KIRREL3: variants seen among roughly 807,000 people sequenced by gnomAD.
The protein encoded by KIRREL3 is kin of IRRE-like protein 3.
In KIRREL3, 36 loss-of-function variants were observed where a neutral mutation model predicts 89.7. The ratio of observed to expected loss-of-function variants is 0.40; its 90% CI spans 0.31 to 0.53. KIRREL3 has a LOEUF of 0.53. KIRREL3 is among the 20% of genes least tolerant of loss of function. KIRREL3 has a pLI of 0.49. For synonymous variants in KIRREL3, 445 were observed against 441.4 expected, an observed-to-expected ratio of 1.01 and a Z score of -0.10; for missense variants, 864 against 1,056.6, an observed-to-expected ratio of 0.82 and a Z score of 2.53.
chr11:126,500,774 G>A (rs1957832101), intron 4 of KIRREL3, among the ~76,000 whole-genome samples: 1 of 151,168 alleles, frequency 6.6e-6, no homozygotes, highest in African/African-American at 2.4e-5. Context: ...AAGAAAAACA[G>A]TATATATTTT....
chr11:126,923,176 C>CTTCTTCTTCTTCT lies in KIRREL3; in HGVS notation c.55+77278_55+77279insAGAAGAAGAAGAA. ...TCTTCTTCTTCTTCTTCTTCTTCTT[C>CTTCTTCTTCTTCT]TCTTCTTCTTCTCTTCTTCTTCTTC... On this transcript the variant is annotated intron_variant, in intron 1 of 16. Coordinates refer to ENST00000525144, the MANE Select transcript of KIRREL3 (RefSeq NM_032531.4). 3.8e-3 allele frequency among the ~76,000 whole-genome samples: 68 copies of CTTCTTCTTCTTCT among 17,996 alleles called. 15 individuals are homozygous for CTTCTTCTTCTTCT. The highest frequency in any genetic ancestry group is 5.1e-3 in the Non-Finnish European group (46 of 9,084). 11.8% of individuals were successfully genotyped at this position (17,996 alleles called of 152,430 possible).
In KIRREL3 at chr11:126,783,927, C is replaced by T. The variant is rs1332681090; in HGVS notation, c.55+216528G>A. Among the ~76,000 whole-genome samples, 1 of 152,188 alleles carries T rather than the reference C, an allele frequency of 6.6e-6. No individual in the cohort carries two copies. The highest frequency in any genetic ancestry group is 1.5e-5 in the Non-Finnish European group (1 of 68,036). On this transcript the variant is annotated intron_variant, in intron 1 of 16. Transcript: ENST00000525144. This position sits in a 1 kb window ranked among gnomAD's most constrained non-coding sequence, Gnocchi z 4.3. ...ATGTGCCATGTTGATAGCACACACC[C>T]TTGATAGGATACGATGGAAACAGCA...
At position 126,981,609 on chromosome 11, in the gene KIRREL3, C is replaced by A. The variant is rs573782690; in HGVS notation, c.55+18846G>T. ...TTTCTTAATCTGAGAAGACATCTTGCCTTTTATGGCACTGTTAAAACCACA... is the reference window on the plus strand; with the variant it reads ...TTTCTTAATCTGAGAAGACATCTTGACTTTTATGGCACTGTTAAAACCACA... On this transcript the variant is annotated intron_variant, in intron 1 of 16. Coordinates refer to ENST00000525144, the MANE Select transcript of KIRREL3 (RefSeq NM_032531.4). The surrounding 1 kb of genome is among the most constrained non-coding windows in gnomAD (Gnocchi z 4.2). Among the ~76,000 whole-genome samples, 12 of 152,320 alleles carry A rather than the reference C, an allele frequency of 7.9e-5. No individual in the cohort carries two copies. Among genetic ancestry groups the A allele is most frequent in the Non-Finnish European group, 1.3e-4 (9 of 68,038 alleles).
chr11:126,846,851 TTTGTAAAAAAATTAGTC>T (rs1469151773), intron 1 of KIRREL3, among the ~76,000 whole-genome samples: 4 of 152,184 alleles, frequency 2.6e-5, no homozygotes, highest in Admixed American at 2.6e-4. Context: ...TTGTGAAAGA[TTTGTAAAAAAATTAGTC>T]TTGTAAAAAA....
chr11:126,972,946 T>C (rs753101515), intron 1 of KIRREL3, among the ~76,000 whole-genome samples: 2 of 152,066 alleles, frequency 1.3e-5, no homozygotes, highest in South Asian at 2.1e-4. Context: ...GTTGAGTTGA[T>C]AGCCTTAAAT....
chr11:126,832,505 G>A (rs929878838), intron 1 of KIRREL3, among the ~76,000 whole-genome samples: 3 of 152,152 alleles, frequency 2.0e-5, no homozygotes, highest in South Asian at 2.1e-4. Flanking sequence ...AGCTTGAAGC[G>A]GGACTGTATT....
At position 126,682,689 on chromosome 11, in the gene KIRREL3, C is replaced by T. The variant is rs1438842293; in HGVS notation, c.56-119777G>A. ...AGTTAGATTCTCATAAGAGACACAG[C>T]ACACAGCCTAGATCCATCACATGCG... On this transcript the variant is annotated intron_variant, in intron 1 of 16. Coordinates refer to ENST00000525144, the MANE Select transcript of KIRREL3 (RefSeq NM_032531.4). The surrounding 1 kb of genome is among the most constrained non-coding windows in gnomAD (Gnocchi z 4.8). Among the ~76,000 whole-genome samples, 1 of 152,088 alleles carries T rather than the reference C, an allele frequency of 6.6e-6. No homozygotes were observed. Among genetic ancestry groups the T allele is most frequent in the Admixed American group, 6.5e-5 (1 of 15,276 alleles).
chr11:126,863,459 G>A (rs1389366722), intron 1 of KIRREL3, among the ~76,000 whole-genome samples: 1 of 50,034 alleles, frequency 2.0e-5, no homozygotes, highest in Admixed American at 2.5e-4. Context: ...GTGTGTTTGA[G>A]TGCGTGTGTG....
chr11:126,440,795 G>A (rs528830306), intron 10 of KIRREL3: 7 of 575,076 alleles, frequency 1.2e-5, no homozygotes, highest in East Asian at 2.9e-5. Flanking sequence ...ACAAATAACT[G>A]TAATAAAAGG....
intron 10 of KIRREL3, among the ~76,000 whole-genome samples, chr11:126,442,104 G>A (rs1019842576): frequency 6.6e-6 from 1 of 151,618 alleles, no homozygotes; most frequent in Non-Finnish European, 1.5e-5. Flanking sequence ...AACCCCGTCT[G>A]TACTAAAAAT....
At position 126,714,279 on chromosome 11, in the gene KIRREL3, AT is replaced by A. The variant is rs1168203990; in HGVS notation, c.56-151368del. 3.3e-5 allele frequency among the ~76,000 whole-genome samples: 5 copies of A among 152,164 alleles called. No homozygotes were observed. The East Asian group carries it at 9.6e-4, about 29-fold the overall frequency. On this transcript the variant is annotated intron_variant, in intron 1 of 16. Coordinates refer to ENST00000525144, the MANE Select transcript of KIRREL3 (RefSeq NM_032531.4). ...ACCTTCTGGTTGCAAAGCTTAACGT[AT>A]TTACTCTCTGGCTCTTTGTAGAAGC... is the stretch of plus-strand genomic sequence containing the variant.
In KIRREL3 at chr11:126,980,433, C is replaced by T. The variant is rs565338456; in HGVS notation, c.55+20022G>A. 2.0e-3 allele frequency among the ~76,000 whole-genome samples: 305 copies of T among 152,096 alleles called. 2 individuals carry two copies. Among genetic ancestry groups the T allele is most frequent in the African/African-American group, 6.6e-3 (273 of 41,488 alleles). On this transcript the variant is annotated intron_variant, in intron 1 of 16. Transcript: ENST00000525144. ...AGGTATTGGGGCTTTGTTTTACAGG[C>T]AAAGGGTAGCCAGTGGGCTTGCTGA...
intron 7 of KIRREL3, among the ~76,000 whole-genome samples, chr11:126,450,089 G>C (rs1157099650): frequency 6.6e-6 from 1 of 152,066 alleles, no homozygotes; most frequent in Non-Finnish European, 1.5e-5. Flanking sequence ...TTGGACCAGT[G>C]ACCCAGCAGC....
At chr11:126,775,305 G>C (rs771775392) in intron 1 of KIRREL3, among the ~76,000 whole-genome samples, 1 of 152,168 alleles carries the variant, frequency 6.6e-6, no homozygotes, top group Non-Finnish European at 1.5e-5. Flanking sequence ...ACAGCAAAAA[G>C]AAATTCTCCC....
rs750353947 is a variant in KIRREL3, at chr11:126,748,702, G to T, written c.56-185790C>A. Among the ~76,000 whole-genome samples the T allele has an allele frequency of 1.3e-5, 2 of 152,122 alleles. No homozygotes were observed. The highest frequency in any genetic ancestry group is 2.9e-5 in the Non-Finnish European group (2 of 68,028). ...CTGGCAAGGGAAGCTGCGTTTCGTGGTAACAAATGAGGATTAAACCAGGCC... is the reference window on the plus strand; with the variant it reads ...CTGGCAAGGGAAGCTGCGTTTCGTGTTAACAAATGAGGATTAAACCAGGCC... On this transcript the variant is annotated intron_variant, in intron 1 of 16. Transcript: ENST00000525144. This position sits in a 1 kb window ranked among gnomAD's most constrained non-coding sequence, Gnocchi z 4.6.
At chr11:126,617,022 C>G (rs775428159) in intron 1 of KIRREL3, among the ~76,000 whole-genome samples, 1 of 152,216 alleles carries the variant, frequency 6.6e-6, no homozygotes, top group Admixed American at 6.5e-5. Flanking sequence ...GTTTATTTTA[C>G]CACATCATGT....
chr11:126,552,935 C>A (rs1301325510), intron 2 of KIRREL3, among the ~76,000 whole-genome samples: 1 of 152,096 alleles, frequency 6.6e-6, no homozygotes, highest in African/African-American at 2.4e-5. Flanking sequence ...GTACTCCTTC[C>A]TTAGCAAGAA....
chr11:126,531,533 G>A lies in KIRREL3; in HGVS notation c.134-4846C>T, dbSNP rs966036120. On this transcript the variant is annotated intron_variant, in intron 2 of 16. Transcript: ENST00000525144. This position sits in a 1 kb window ranked among gnomAD's most constrained non-coding sequence, Gnocchi z 4.7. ...CTCGAGTTCTCCTCGATGTTTCATT[G>A]TCCTGGGATGCACTGCATCCCCCCA... 6.6e-6 allele frequency among the ~76,000 whole-genome samples: 1 copy of A among 151,966 alleles called. No individual in the cohort carries two copies. The highest frequency in any genetic ancestry group is 2.4e-5 in the African/African-American group (1 of 41,362).
At chr11:126,672,094 A>G (rs1307988129) in intron 1 of KIRREL3, among the ~76,000 whole-genome samples, 1 of 152,264 alleles carries the variant, frequency 6.6e-6, no homozygotes, top group Non-Finnish European at 1.5e-5. Context: ...TATAATTAAT[A>G]GCATGCCCCA....
Sources: allele counts gnomAD v4.1 joint callset (sites outside exome capture counted in the v4.1 genomes callset), GRCh38; gene constraint gnomAD v4.1.1; non-coding constraint Gnocchi (gnomAD v3.1); transcripts MANE v1.5; gene names NCBI Gene and HGNC (gene_info 2026-07-23, HGNC 2026-07-21).